GAN: variants seen among roughly 807,000 people sequenced by gnomAD.
GAN encodes the protein gigaxonin.
GAN carries 48 observed loss-of-function variants against 71.3 expected under a neutral mutation model. The ratio of observed to expected loss-of-function variants is 0.67; its 90% CI spans 0.53 to 0.86. The LOEUF is 0.86. GAN is among the 40% of genes least tolerant of loss of function. The pLI is 0.00. For missense variants in GAN, 928 were observed against 770.1 expected, an observed-to-expected ratio of 1.21 and a Z score of -2.43; for synonymous variants, 386 against 276.8, an observed-to-expected ratio of 1.39 and a Z score of -3.92.
intron 6 of GAN, 87 bp from the exon 7 acceptor site, chr16:81,363,707 T>G (rs1164956350): frequency 7.3e-7 from 1 of 1,371,272 alleles, no homozygotes; most frequent in Non-Finnish European, 1.0e-6. Flanking sequence ...ATCTTTATGT[T>G]TCTCTAATTT....
At chr16:81,332,530 A>G (rs1239123652) in intron 1 of GAN, among the ~76,000 whole-genome samples, 1 of 152,208 alleles carries the variant, frequency 6.6e-6, no homozygotes, top group Non-Finnish European at 1.5e-5. Flanking sequence ...CCCTCCAAGT[A>G]TGCCTGCAAG....
At chr16:81,361,144 G>C (rs1189488576) in intron 5 of GAN, among the ~76,000 whole-genome samples, 1 of 152,168 alleles carries the variant, frequency 6.6e-6, no homozygotes, top group Non-Finnish European at 1.5e-5. Flanking sequence ...AGAATCGCTT[G>C]AACCCAGGAG....
In GAN at chr16:81,388,614, G is replaced by A. The variant is rs62046509; in HGVS notation, c.*11018G>A. ...GCCCCGCTCACTACCTCAGCACCCA[G>A]TGCAGCCCCAGGCTCCCGGACGTGC... On this transcript the variant is annotated 3_prime_UTR_variant, in exon 11 of 11. Coordinates refer to ENST00000648994, the MANE Select transcript of GAN (RefSeq NM_022041.4). 7,621 of 152,768 alleles carry A rather than the reference G, an allele frequency of 0.05. 231 individuals are homozygous for A. Among genetic ancestry groups the A allele is most frequent in the East Asian group, 0.12 (616 of 5,182 alleles). 9.5% of individuals were successfully genotyped at this position (152,768 alleles called of 1,614,324 possible).
chr16:81,390,026 A>G lies in GAN; in HGVS notation c.*12430A>G, dbSNP rs556492451. On this transcript the variant is annotated 3_prime_UTR_variant, in exon 11 of 11. Transcript: ENST00000648994. ...TTTAAATCCTGCAACTTTATTATCT[A>G]GTAGAATTCCAAGTAGGTCTGCTTA... The G allele has an allele frequency of 6.6e-6, 1 of 152,338 alleles. No individual in the cohort carries two copies. Among genetic ancestry groups the G allele is most frequent in the South Asian group, 2.1e-4 (1 of 4,826 alleles). The allele number at this position is 152,338 out of a possible 1,614,324, so 9.4% of individuals were successfully genotyped here.
chr16:81,325,972 A>G (rs1400789040), intron 1 of GAN, among the ~76,000 whole-genome samples: 1 of 152,020 alleles, frequency 6.6e-6, no homozygotes. Context: ...GCTTGCAGAT[A>G]ATTTCATATT....
chr16:81,347,411 G>A (rs770399054), intron 1 of GAN, among the ~76,000 whole-genome samples: 36 of 152,196 alleles, frequency 2.4e-4, no homozygotes, highest in Admixed American at 2.0e-4. Context: ...GCTTCCTTCT[G>A]CTGGTACATA....
chr16:81,315,715 G>C (rs972983344), intron 1 of GAN, among the ~76,000 whole-genome samples: 3 of 152,228 alleles, frequency 2.0e-5, no homozygotes, highest in South Asian at 2.1e-4. Flanking sequence ...CGCGGTCCCC[G>C]CTGAAGTTCG....
At position 81,387,055 on chromosome 16, in the gene GAN, C is replaced by T. The variant is rs1433832523; in HGVS notation, c.*9459C>T. 6.6e-6 allele frequency: 1 copy of T among 152,242 alleles called. No individual in the cohort carries two copies. The highest frequency in any genetic ancestry group is 1.5e-5 in the Non-Finnish European group (1 of 68,044). 9.4% of individuals were successfully genotyped at this position (152,242 alleles called of 1,614,324 possible). ...GGCAAGAACGGATCTTTGGCAAGAT[C>T]ACTTAAGGTGAGCTACTCTAGCAGC... On this transcript the variant is annotated 3_prime_UTR_variant, in exon 11 of 11. Transcript: ENST00000648994.
At chr16:81,331,621 TC>T (rs1156629956) in intron 1 of GAN, among the ~76,000 whole-genome samples, 1 of 152,164 alleles carries the variant, frequency 6.6e-6, no homozygotes, top group Non-Finnish European at 1.5e-5. Context: ...GGGAAGTCCT[TC>T]AGGAACGGCT....
chr16:81,360,972 C>G lies in GAN; in HGVS notation c.974-1527C>G, dbSNP rs111429704. The stretch of plus-strand genomic sequence containing the variant: ...GGCGCAGTGGCTCACACCTATAATC[C>G]CAGCACTTTTGGAGGCTGAGGCGGG... On this transcript the variant is annotated intron_variant, in intron 5 of 10. Transcript: ENST00000648994. Among the ~76,000 whole-genome samples the G allele has an allele frequency of 2.7e-3, 403 of 151,752 alleles. 3 individuals carry two copies. The highest frequency in any genetic ancestry group is 9.3e-3 in the African/African-American group (383 of 41,100).
rs1277914807 is a variant in GAN, at chr16:81,315,093, G to T, written c.-21G>T. On this transcript the variant is annotated 5_prime_UTR_variant, in exon 1 of 11. Transcript: ENST00000648994. ...GACGGTGTCGGGAGCCGGACCCGTC[G>T]GCAGAGGAGCGGGCGCCGCGATGGC... 1 of 1,472,176 alleles carries T rather than the reference G, an allele frequency of 6.8e-7. No individual in the cohort carries two copies. The allele number at this position is 1,472,176 out of a possible 1,614,324, so 91.2% of individuals were successfully genotyped here.
intron 9 of GAN, among the ~76,000 whole-genome samples, chr16:81,369,075 T>C (rs997469293): frequency 2.0e-5 from 3 of 152,246 alleles, no homozygotes; most frequent in African/African-American, 7.2e-5. Flanking sequence ...GTGCATTCGC[T>C]TAGCCTAGAT....
chr16:81,325,277 G>T (rs558586251), intron 1 of GAN, among the ~76,000 whole-genome samples: 66 of 152,316 alleles, frequency 4.3e-4, no homozygotes, highest in African/African-American at 1.5e-3. Flanking sequence ...GAATTGCGAG[G>T]GGAAGAACTA....
intron 1 of GAN, among the ~76,000 whole-genome samples, chr16:81,339,526 G>A (rs1909873359): frequency 6.6e-6 from 1 of 152,208 alleles, no homozygotes; most frequent in Admixed American, 6.5e-5. Flanking sequence ...GGGCTAGGTT[G>A]TCAGCATACA....
At chr16:81,330,947 C>A (rs1909556544) in intron 1 of GAN, among the ~76,000 whole-genome samples, 1 of 152,208 alleles carries the variant, frequency 6.6e-6, no homozygotes, top group Non-Finnish European at 1.5e-5. Context: ...TGGTTCACGC[C>A]TGTAATCCTG....
intron 9 of GAN, among the ~76,000 whole-genome samples, chr16:81,370,099 C>T (rs78673325): frequency 2.8e-4 from 43 of 152,338 alleles, no homozygotes; most frequent in Middle Eastern, 3.4e-3. Flanking sequence ...TCAGGGGCAA[C>T]AGTATGCCTC....
At chr16:81,359,053 C>T (rs985120220) in intron 5 of GAN, among the ~76,000 whole-genome samples, 2 of 152,152 alleles carry the variant, frequency 1.3e-5, no homozygotes, top group Non-Finnish European at 2.9e-5. Flanking sequence ...ATGGCCAAGG[C>T]TCTACCATAG....
intron 1 of GAN, among the ~76,000 whole-genome samples, chr16:81,337,142 G>T (rs1392244948): frequency 6.6e-6 from 1 of 152,110 alleles, no homozygotes; most frequent in East Asian, 1.9e-4. Context: ...AGCAGTTGGA[G>T]GGCATCTGTG....
intron 1 of GAN, among the ~76,000 whole-genome samples, chr16:81,340,889 C>T (rs1007695507): frequency 4.6e-5 from 7 of 151,862 alleles, no homozygotes; most frequent in East Asian, 1.9e-4. Flanking sequence ...AATCGAAAAG[C>T]GTTCAAAAAG....
Sources: allele counts gnomAD v4.1 joint callset (sites outside exome capture counted in the v4.1 genomes callset), GRCh38; gene constraint gnomAD v4.1.1; transcripts MANE v1.5; gene names NCBI Gene and HGNC (gene_info 2026-07-23, HGNC 2026-07-21).